The following CDC5L variants were observed in gnomAD, a reference collection of about 807,000 sequenced individuals.
CDC5L encodes cell division cycle 5-like protein.
Under a neutral mutation model 104.1 loss-of-function variants are expected in CDC5L, and 18 were observed. The ratio of observed to expected loss-of-function variants is 0.17; its 90% CI spans 0.12 to 0.26. CDC5L has a LOEUF of 0.26. Among genes scored for constraint, CDC5L ranks in the 10% least tolerant of loss-of-function variants. The probability of loss-of-function intolerance (pLI) is 1.00; values close to 1 mark genes in which losing one functional copy is unlikely to be tolerated. For synonymous variants in CDC5L, 331 were observed against 322.7 expected (o/e 1.03, Z -0.28); for missense variants, 673 against 956.9 (o/e 0.70, Z 3.91).
At chr6:44,393,310 G>A (rs1156538298) in intron 3 of CDC5L, 136 bp from the exon 4 acceptor site, 4 of 660,634 alleles carry the variant, frequency 6.1e-6, no homozygotes, top group African/African-American at 5.6e-5. Context: ...TGAAGTGATA[G>A]TAAAAAGGCT....
At position 44,392,654 on chromosome 6, in the gene CDC5L, C is replaced by T. The variant is rs1292967624; in HGVS notation, c.150-13C>T. The T allele has an allele frequency of 1.2e-6, 2 of 1,608,902 alleles. No homozygotes were observed. Among genetic ancestry groups the T allele is most frequent in the Non-Finnish European group, 1.7e-6 (2 of 1,176,506 alleles). On this transcript the variant is annotated splice_polypyrimidine_tract_variant and intron_variant, in intron 2 of 15. Coordinates refer to ENST00000371477, the MANE Select transcript of CDC5L (RefSeq NM_001253.4). ...GTAACTGATTAATATATAAAATGATCTATGTTTAATAGGTATGAATGGCTG... is the reference window on the plus strand; with the variant it reads ...GTAACTGATTAATATATAAAATGATTTATGTTTAATAGGTATGAATGGCTG...
At chr6:44,442,949 C>A (rs1793270143) in intron 14 of CDC5L, among the ~76,000 whole-genome samples, 1 of 152,004 alleles carries the variant, frequency 6.6e-6, no homozygotes, top group Non-Finnish European at 1.5e-5. Flanking sequence ...TTGAAAAAGT[C>A]TTTATCATCC....
intron 14 of CDC5L, among the ~76,000 whole-genome samples, chr6:44,432,135 A>C (rs1416129213): frequency 6.6e-6 from 1 of 152,254 alleles, no homozygotes; most frequent in Non-Finnish European, 1.5e-5. Context: ...TGTATCCATC[A>C]CTAATTCAGA....
intron 8 of CDC5L, among the ~76,000 whole-genome samples, chr6:44,413,386 C>T (rs1377087701): frequency 1.3e-5 from 2 of 152,274 alleles, no homozygotes; most frequent in East Asian, 3.9e-4. Flanking sequence ...TGTTTATCCA[C>T]TTATCAGCTG....
intron 4 of CDC5L, among the ~76,000 whole-genome samples, chr6:44,395,981 T>C (rs1224481947): frequency 6.6e-6 from 1 of 152,220 alleles, no homozygotes; most frequent in Non-Finnish European, 1.5e-5. Context: ...TAATGAAGGA[T>C]ACAATAATTG....
At position 44,421,929 on chromosome 6, in the gene CDC5L, G is replaced by T. The variant is rs11572004; in HGVS notation, c.1242-718G>T. Among the ~76,000 whole-genome samples, 1,209 of 152,210 alleles carry T rather than the reference G, an allele frequency of 7.9e-3. 22 individuals carry two copies. The highest frequency in any genetic ancestry group is 0.028 in the African/African-American group (1,155 of 41,530). ...CTAGATTGTAAAATCCTTGGGGGTG[G>T]GAACCATGTCTTATGTGATAACACC... is the stretch of plus-strand genomic sequence containing the variant. On this transcript the variant is annotated intron_variant, in intron 9 of 15. Transcript: ENST00000371477.
intron 14 of CDC5L, among the ~76,000 whole-genome samples, chr6:44,433,177 G>T (rs1202931098): frequency 1.3e-5 from 2 of 152,106 alleles, no homozygotes; most frequent in Non-Finnish European, 2.9e-5. Flanking sequence ...AATTATTACT[G>T]CCTATCTACC....
intron 6 of CDC5L, among the ~76,000 whole-genome samples, chr6:44,404,497 C>T (rs1009581137): frequency 1.3e-5 from 2 of 152,134 alleles, no homozygotes; most frequent in Non-Finnish European, 2.9e-5. Flanking sequence ...ATTCATCTTT[C>T]TGAGAAAATC....
At position 44,429,814 on chromosome 6, in the gene CDC5L, C is replaced by T; in HGVS notation, c.1995C>T (p.Tyr665=). Residue 665 remains tyrosine (Y), a synonymous_variant, in exon 14 of 16, where the codon TAC becomes TAT. Coordinates refer to ENST00000371477, the MANE Select transcript of CDC5L (RefSeq NM_001253.4). ...EAYNQVWEEC[Y]SQVLYLPGQS... ...ATAACCAGGTGTGGGAAGAATGCTA[C>T]AGTCAAGTTTTATATCTTCCTGGGC... 1 of 1,613,978 alleles carries T rather than the reference C, an allele frequency of 6.2e-7. No individual in the cohort carries two copies.
intron 14 of CDC5L, 64 bp downstream of exon 14, chr6:44,429,974 G>A: frequency 1.6e-6 from 2 of 1,286,640 alleles, no homozygotes; most frequent in Non-Finnish European, 1.1e-6. Flanking sequence ...ACTAAATAAT[G>A]CCACTGGAGA....
chr6:44,442,750 G>A (rs1793261715), intron 14 of CDC5L, among the ~76,000 whole-genome samples: 1 of 152,144 alleles, frequency 6.6e-6, no homozygotes, highest in Non-Finnish European at 1.5e-5. Flanking sequence ...GTATTAGAAT[G>A]TTTGGATATG....
rs147487304 is a variant in CDC5L, at chr6:44,413,204, T to G, written c.1092+4572T>G. Among the ~76,000 whole-genome samples the G allele has an allele frequency of 6.6e-3, 1,009 of 152,278 alleles. 9 individuals are homozygous for G. The highest frequency in any genetic ancestry group is 0.023 in the African/African-American group (951 of 41,562). On this transcript the variant is annotated intron_variant, in intron 8 of 15. Coordinates refer to ENST00000371477, the MANE Select transcript of CDC5L (RefSeq NM_001253.4). ...TAATCTACTTTGTGTCTCTATAGAG[T>G]TCCCTATTCTGCACATATATGTAAA...
At position 44,387,789 on chromosome 6, in the gene CDC5L, C is replaced by T. The variant is rs374889924; in HGVS notation, c.-35C>T. On this transcript the variant is annotated 5_prime_UTR_variant, in exon 1 of 16. Coordinates refer to ENST00000371477, the MANE Select transcript of CDC5L (RefSeq NM_001253.4). Reference sequence around the variant, plus strand: ...CGCTGTTACTACTTCTCTGAAGCTCCTCTCGGCTGCTTGCCGAGACACCCT... The same window carrying T: ...CGCTGTTACTACTTCTCTGAAGCTCTTCTCGGCTGCTTGCCGAGACACCCT... The T allele has an allele frequency of 3.9e-5, 61 of 1,547,268 alleles. No homozygotes were observed. Among genetic ancestry groups the T allele is most frequent in the Middle Eastern group, 3.3e-4 (2 of 5,984 alleles).
intron 5 of CDC5L, among the ~76,000 whole-genome samples, chr6:44,399,802 C>T (rs888151521): frequency 2.3e-4 from 35 of 152,000 alleles, no homozygotes; most frequent in Admixed American, 2.1e-3. Flanking sequence ...TACAGGTGCC[C>T]GCCACCACAC....
At position 44,429,742 on chromosome 6, in the gene CDC5L, A is replaced by G. The variant is rs749342623; in HGVS notation, c.1923A>G (p.Glu641=). The G allele has an allele frequency of 3.1e-6, 5 of 1,614,028 alleles. No individual in the cohort carries two copies. The South Asian group carries it at 4.4e-5, about 14-fold the overall frequency. ...KAQDVLVQEM[E]VVKQGMSHGE... ...AGGATGTTTTGGTGCAGGAGATGGA[A>G]GTGGTTAAACAAGGAATGAGCCATG... is the stretch of plus-strand genomic sequence containing the variant. The change falls in exon 14 of 16, where the codon GAA becomes GAG. Residue 641 remains glutamate, a synonymous_variant. Coordinates refer to ENST00000371477, the MANE Select transcript of CDC5L (RefSeq NM_001253.4).
intron 14 of CDC5L, among the ~76,000 whole-genome samples, chr6:44,431,654 G>A (rs1471417998): frequency 6.6e-6 from 1 of 152,060 alleles, no homozygotes; most frequent in South Asian, 2.1e-4. Context: ...ACTTTGTTGA[G>A]GTACTAACTT....
intron 6 of CDC5L, among the ~76,000 whole-genome samples, 170 bp downstream of exon 6, chr6:44,404,197 T>A (rs1473433252): frequency 1.3e-5 from 2 of 151,990 alleles, no homozygotes; most frequent in Admixed American, 1.3e-4. Context: ...CAGGCTGGAG[T>A]ACAGTGGCAC....
intron 5 of CDC5L, among the ~76,000 whole-genome samples, chr6:44,397,622 A>G (rs1027722942): frequency 6.6e-6 from 1 of 152,194 alleles, no homozygotes; most frequent in Non-Finnish European, 1.5e-5. Flanking sequence ...TGACTGTAGG[A>G]CACACAAGAT....
At chr6:44,425,757 AAGTC>A (rs2153381663) in intron 11 of CDC5L, among the ~76,000 whole-genome samples, 1 of 152,258 alleles carries the variant, frequency 6.6e-6, no homozygotes, top group African/African-American at 2.4e-5. Context: ...TTTGAGTTAA[AAGTC>A]AGTAATTTTG....
Sources: gnomAD v4.1 joint callset for allele counts (sites outside exome capture counted in the v4.1 genomes callset) on GRCh38, gnomAD v4.1.1 for gene constraint, MANE v1.5 for transcripts, NCBI Gene and HGNC (gene_info 2026-07-23, HGNC 2026-07-21) for gene names.